DYNC2H1: variants seen among roughly 807,000 people sequenced by gnomAD.
DYNC2H1 encodes the protein dynein cytoplasmic 2 heavy chain 1.
Under a neutral mutation model 570.0 loss-of-function variants are expected in DYNC2H1, and 410 were observed. The observed-to-expected ratio is 0.72, with a 90% CI of 0.66 to 0.78. The LOEUF is 0.78. Ranked by LOEUF, DYNC2H1 falls within the 30% of genes least tolerant of loss-of-function variation. DYNC2H1 has a pLI of 0.00. For missense variants in DYNC2H1, 4,865 were observed against 5,046.4 expected, an observed-to-expected ratio of 0.96 and a Z score of 1.09; for synonymous variants, 1,688 against 1,677.6, an observed-to-expected ratio of 1.01 and a Z score of -0.15.
Position 103,155,374 on chromosome 11 carries a change from C to T in DYNC2H1, c.3617C>T (p.Ser1206Phe), listed in dbSNP as rs1463783472. The change falls in exon 25 of 89, where the codon TCT becomes TTT. Residue 1206 changes from serine (S) to phenylalanine (F), a missense_variant. By Grantham distance (155) the Ser-to-Phe change is radical (BLOSUM62 -2). Around this residue, in one of 5 missense-constraint regions of DYNC2H1, gnomAD observed 1,936 missense variants for 1,962.1 expected, o/e 0.99. Transcript: ENST00000375735. ...ILKYVRGEHL[S>F]PDHWLDLFRL... ...AAATATGTGAGAGGGGAGCATCTTT[C>T]TCCAGATCACTGGCTTGACCTTTTT... 6 of 1,609,270 alleles carry T rather than the reference C, an allele frequency of 3.7e-6. No homozygotes were observed. The highest frequency in any genetic ancestry group is 1.7e-5 in the Admixed American group (1 of 59,474).
intron 22 of DYNC2H1, among the ~76,000 whole-genome samples, chr11:103,154,023 A>G (rs1860692032): frequency 6.6e-6 from 1 of 152,060 alleles, no homozygotes; most frequent in Middle Eastern, 3.4e-3. Context: ...ACTAAATGGC[A>G]TTATACTGAT....
intron 88 of DYNC2H1, among the ~76,000 whole-genome samples, chr11:103,469,999 A>G (rs1945321174): frequency 6.6e-6 from 1 of 152,120 alleles, no homozygotes; most frequent in Admixed American, 6.6e-5. Context: ...AATCCATATA[A>G]TGATCATGAG....
Position 103,282,834 on chromosome 11 carries a change from G to T in DYNC2H1, c.10813-174G>T, listed in dbSNP as rs1300381503. Among the ~76,000 whole-genome samples the T allele has an allele frequency of 2.0e-5, 3 of 151,962 alleles. No homozygotes were observed. The East Asian group carries it at 5.8e-4, about 29-fold the overall frequency. On this transcript the variant is annotated intron_variant, in intron 72 of 88. Coordinates refer to ENST00000375735, the MANE Select transcript of DYNC2H1 (RefSeq NM_001377.3). The stretch of plus-strand genomic sequence containing the variant: ...GCAACATTTTCCTAAATGGTTCTCA[G>T]TCCCTTATGTTACATAGAATTTTAC...
intron 84 of DYNC2H1, among the ~76,000 whole-genome samples, chr11:103,412,116 T>C (rs140124137): frequency 0.01 from 1,553 of 152,238 alleles, 18 homozygotes; most frequent in African/African-American, 0.035. Flanking sequence ...GAGAATTCAG[T>C]ACTACCCCAT....
At chr11:103,191,938 C>T (rs777522487) in intron 46 of DYNC2H1, among the ~76,000 whole-genome samples, 159 bp from the exon 47 acceptor site, 2 of 151,972 alleles carry the variant, frequency 1.3e-5, no homozygotes, top group Non-Finnish European at 2.9e-5. Flanking sequence ...CATGTACCAA[C>T]TTATTAACAA....
rs547855174 is a variant in DYNC2H1 at position 103,385,628 on chromosome 11, G to A, written c.12157-14035G>A. 3.3e-5 allele frequency among the ~76,000 whole-genome samples: 5 copies of A among 152,218 alleles called. No individual in the cohort carries two copies. The East Asian group carries it at 9.7e-4, about 29-fold the overall frequency. Reference sequence around the variant, plus strand: ...AATCCTATATTAAATCCAGAGTCCTGGAGGGACTATAGCATTATCTCCTTA... The same window carrying A: ...AATCCTATATTAAATCCAGAGTCCTAGAGGGACTATAGCATTATCTCCTTA... On this transcript the variant is annotated intron_variant, in intron 83 of 88. Transcript: ENST00000375735.
chr11:103,294,581 C>A (rs1205207033), intron 75 of DYNC2H1, among the ~76,000 whole-genome samples: 1 of 152,138 alleles, frequency 6.6e-6, no homozygotes, highest in African/African-American at 2.4e-5. Context: ...CAAAAGGATT[C>A]TTTCTCTATG....
chr11:103,166,796 A>C (rs1227852627), intron 31 of DYNC2H1, among the ~76,000 whole-genome samples: 2 of 151,916 alleles, frequency 1.3e-5, no homozygotes, highest in East Asian at 3.9e-4. Flanking sequence ...ATATAGACAC[A>C]TCTTTGCATT....
intron 30 of DYNC2H1, 134 bp from the exon 31 acceptor site, chr11:103,165,764 G>T (rs960813994): frequency 1.1e-5 from 7 of 639,528 alleles, no homozygotes; most frequent in Non-Finnish European, 1.7e-5. Context: ...AATATTTAAG[G>T]TTCCAGTATG....
chr11:103,437,053 C>T (rs1455117282), intron 85 of DYNC2H1, among the ~76,000 whole-genome samples: 2 of 152,080 alleles, frequency 1.3e-5, no homozygotes. Flanking sequence ...TGGATGGGCC[C>T]TGAGCACTGC....
intron 47 of DYNC2H1, among the ~76,000 whole-genome samples, chr11:103,196,212 A>G (rs1005960158): frequency 6.6e-6 from 1 of 152,212 alleles, no homozygotes; most frequent in Non-Finnish European, 1.5e-5. Flanking sequence ...GAGGAGGCAG[A>G]AACTTATAGC....
At chr11:103,357,028 G>T (rs1940378930) in intron 82 of DYNC2H1, among the ~76,000 whole-genome samples, 1 of 151,996 alleles carries the variant, frequency 6.6e-6, no homozygotes. Context: ...GTTTATTTTA[G>T]ACAAACAGTG....
Position 103,160,994 on chromosome 11 carries a change from G to A in DYNC2H1, c.4441G>A (p.Gly1481Arg), listed in dbSNP as rs1861067983. The A allele has an allele frequency of 6.4e-7, 1 of 1,567,154 alleles. No homozygotes were observed. Among genetic ancestry groups the A allele is most frequent in the Non-Finnish European group, 8.6e-7 (1 of 1,159,306 alleles). ...TATAACTGCAATGAAATCTTTAGAG[G>A]GAGAAGTTGTACCTTTTAAAAATAA... ...KHITAMKSLE[G>R]EVVPFKNKVP... is the part of the protein sequence containing the mutation. Residue 1481 changes from glycine (G) to arginine (R), a missense_variant, in exon 29 of 89, where the codon GGA (glycine) becomes AGA (arginine). By Grantham distance (125) the Gly-to-Arg change is moderately radical. This residue lies in a region of DYNC2H1 where 1,936 missense variants were observed against 1,962.1 expected (regional missense o/e 0.99). Transcript: ENST00000375735.
chr11:103,402,889 G>A (rs1247745940), intron 84 of DYNC2H1: 2 of 152,002 alleles, frequency 1.3e-5, no homozygotes, highest in Non-Finnish European at 2.9e-5. Context: ...TAAAAAAGTG[G>A]GCTAAGGAGA....
rs1351376405 is a variant in DYNC2H1, at chr11:103,253,598, C to G, written c.10206+150C>G. 7.8e-6 allele frequency: 6 copies of G among 771,488 alleles called. No homozygotes were observed. In the Admixed American group the frequency reaches 1.9e-4, roughly 24 times the overall value. 47.8% of individuals were successfully genotyped at this position (771,488 alleles called of 1,614,324 possible). A position where few individuals can be genotyped will look rare whatever the true frequency, so the allele number is the denominator to read the frequency against. On this transcript the variant is annotated intron_variant, in intron 66 of 88. Coordinates refer to ENST00000375735, the MANE Select transcript of DYNC2H1 (RefSeq NM_001377.3). ...TACTTGTATGTTGGAGTGAAGCATT[C>G]TGGCTTATTTCATTTATCATATGTA...
chr11:103,296,454 G>C (rs1164271423), intron 75 of DYNC2H1, among the ~76,000 whole-genome samples: 4 of 152,182 alleles, frequency 2.6e-5, no homozygotes, highest in Admixed American at 6.5e-5. Context: ...ACACATCTAA[G>C]AATATGGAGA....
At chr11:103,300,165 A>G (rs1866989663) in intron 75 of DYNC2H1, among the ~76,000 whole-genome samples, 1 of 152,052 alleles carries the variant, frequency 6.6e-6, no homozygotes, top group African/African-American at 2.4e-5. Flanking sequence ...GGTACCTGCA[A>G]AGTACGGGAG....
intron 82 of DYNC2H1, among the ~76,000 whole-genome samples, chr11:103,352,411 A>G (rs942799422): frequency 3.3e-5 from 5 of 152,174 alleles, no homozygotes; most frequent in African/African-American, 1.2e-4. Flanking sequence ...TCACTATTCT[A>G]TAAATTTTGA....
rs1555079171 is a variant in DYNC2H1 at position 103,243,689 on chromosome 11, C to T, written c.9820-4C>T. 2 of 1,584,798 alleles carry T rather than the reference C, an allele frequency of 1.3e-6. No individual in the cohort carries two copies. The highest frequency in any genetic ancestry group is 2.3e-5 in the East Asian group (1 of 44,024). ...AACATTACTTTTCCTTTTTTTTATA[C>T]TAGAGTCGAGTGTGCCCATTTCTTA... On this transcript the variant is annotated splice_region_variant and splice_polypyrimidine_tract_variant and intron_variant, in intron 63 of 88. Transcript: ENST00000375735. This position sits in a 1 kb window ranked among gnomAD's most constrained non-coding sequence, Gnocchi z 4.8.
Sources: gnomAD v4.1 joint callset for allele counts (sites outside exome capture counted in the v4.1 genomes callset) on GRCh38, gnomAD v4.1.1 for gene constraint, gnomAD v4.1.1 regional missense constraint, Gnocchi (gnomAD v3.1) non-coding constraint, MANE v1.5 for transcripts, NCBI Gene and HGNC (gene_info 2026-07-23, HGNC 2026-07-21) for gene names.